The following UBXN11 variants were observed in gnomAD, a reference collection of about 807,000 sequenced individuals.
UBXN11 encodes UBX domain protein 11, also known as UBX domain-containing protein 11.
In UBXN11, 47 loss-of-function variants were observed where a neutral mutation model predicts 62.8. That is an observed-to-expected ratio of 0.75 (90% CI 0.59 to 0.95). The LOEUF (loss-of-function observed/expected upper bound fraction) is 0.95, where lower values mean the gene tolerates loss of function less well. UBXN11 is among the 40% of genes least tolerant of loss of function. The pLI, the probability that UBXN11 is intolerant of heterozygous loss-of-function variation, is 0.00. For synonymous variants in UBXN11, 294 were observed against 267.0 expected (o/e 1.10, Z -0.99); for missense variants, 638 against 661.7 (o/e 0.96, Z 0.39).
Position 26,285,932 on chromosome 1 carries a change from G to A in UBXN11, c.665C>T (p.Pro222Leu). ...VEGDTQVTPV[P>L]GGARLRTLEP... is the part of the protein sequence containing the mutation. ...GAGGGTACGCAGCCGTGCCCCGCCGGGCACTGGTGTCACTTGGGTGTCACC... is the reference window on the plus strand; with the variant it reads ...GAGGGTACGCAGCCGTGCCCCGCCGAGCACTGGTGTCACTTGGGTGTCACC... Residue 222 changes from proline to leucine, a missense_variant, in exon 9 of 15, where the codon CCC (proline) becomes CTC (leucine). By Grantham distance (98) the Pro-to-Leu change is moderately conservative. Coordinates refer to ENST00000374222, the MANE Select transcript of UBXN11 (RefSeq NM_001389556.1). The A allele has an allele frequency of 6.2e-7, 1 of 1,613,660 alleles. No homozygotes were observed. The highest frequency in any genetic ancestry group is 8.5e-7 in the Non-Finnish European group (1 of 1,179,650).
At chr1:26,297,231 T>C (rs1257017924) in intron 6 of UBXN11, among the ~76,000 whole-genome samples, 196 bp downstream of exon 6, 3 of 152,120 alleles carry the variant, frequency 2.0e-5, no homozygotes, top group Non-Finnish European at 2.9e-5. Context: ...CTCGGTCCCA[T>C]GTAGGAGGGC....
chr1:26,298,079 G>A lies in UBXN11; in HGVS notation c.200-17C>T. Reference sequence around the variant, plus strand: ...ATGCAGGGACTGCCAAGCACACAAAGTCTTTAGAGCCCAGACCTAGAGCCG... The same window carrying A: ...ATGCAGGGACTGCCAAGCACACAAAATCTTTAGAGCCCAGACCTAGAGCCG... On this transcript the variant is annotated splice_polypyrimidine_tract_variant and intron_variant, in intron 4 of 14. Transcript: ENST00000374222. The A allele has an allele frequency of 6.2e-7, 1 of 1,609,970 alleles. No homozygotes were observed. The highest frequency in any genetic ancestry group is 8.5e-7 in the Non-Finnish European group (1 of 1,178,988).
intron 4 of UBXN11, among the ~76,000 whole-genome samples, chr1:26,300,170 A>G (rs2073495059): frequency 6.6e-6 from 1 of 151,966 alleles, no homozygotes; most frequent in African/African-American, 2.4e-5. Flanking sequence ...GCCCTTCCCT[A>G]TGGCTGGCCT....
At chr1:26,303,806 C>G (rs1440229176) in intron 1 of UBXN11, among the ~76,000 whole-genome samples, 1 of 152,006 alleles carries the variant, frequency 6.6e-6, no homozygotes, top group Non-Finnish European at 1.5e-5. Flanking sequence ...GAAGGTCTAG[C>G]CCAGCGCCAA....
intron 7 of UBXN11, among the ~76,000 whole-genome samples, chr1:26,296,424 C>T (rs986712349): frequency 6.6e-6 from 1 of 152,084 alleles, no homozygotes. Flanking sequence ...CTAGGAGGCC[C>T]GGGGGATATG....
At chr1:26,316,277 T>G (rs1019163169) in intron 1 of UBXN11, among the ~76,000 whole-genome samples, 1 of 151,810 alleles carries the variant, frequency 6.6e-6, no homozygotes, top group Admixed American at 6.6e-5. Context: ...CTCTGTTTTT[T>G]TCTTTGGACT....
chr1:26,305,297 T>C (rs2073638142), intron 1 of UBXN11, among the ~76,000 whole-genome samples: 2 of 152,186 alleles, frequency 1.3e-5, no homozygotes, highest in East Asian at 1.9e-4. Flanking sequence ...TCAAAAAAGT[T>C]ACACAAATGG....
At chr1:26,301,603 C>A in intron 3 of UBXN11, 91 bp downstream of exon 3, 1 of 1,553,110 alleles carries the variant, frequency 6.4e-7, no homozygotes. Flanking sequence ...CTGACAAGGG[C>A]CTTTCTCGTG....
intron 11 of UBXN11, 54 bp downstream of exon 11, chr1:26,284,308 G>C: frequency 1.2e-6 from 2 of 1,612,818 alleles, no homozygotes; most frequent in South Asian, 1.1e-5. Context: ...AGCCCCCCTG[G>C]AGTTTGTTCT....
chr1:26,300,495 C>A (rs1480187625), intron 4 of UBXN11, among the ~76,000 whole-genome samples: 2 of 152,212 alleles, frequency 1.3e-5, no homozygotes, highest in Non-Finnish European at 2.9e-5. Context: ...GGAAGCCACC[C>A]TGATTAGCCC....
At chr1:26,301,157 C>T in intron 3 of UBXN11, 133 bp from the exon 4 acceptor site, 1 of 1,516,682 alleles carries the variant, frequency 6.6e-7, no homozygotes, top group South Asian at 1.3e-5. Flanking sequence ...ATTCACAAGG[C>T]TGGGGAGCAA....
chr1:26,296,152 C>G lies in UBXN11; in HGVS notation c.432+767G>C, dbSNP rs754471532. ...TGGCAGGGCCCATGCGTGCCTGGGA[C>G]CCTTCTCTGTGCCTGGTGTCCCTCT... On this transcript the variant is annotated intron_variant, in intron 7 of 14. Transcript: ENST00000374222. Among the ~76,000 whole-genome samples, 78 of 152,180 alleles carry G rather than the reference C, an allele frequency of 5.1e-4. 1 individual carries two copies. The highest frequency in any genetic ancestry group is 3.2e-3 in the Middle Eastern group (1 of 316).
At chr1:26,296,518 G>T (rs1024242583) in intron 7 of UBXN11, among the ~76,000 whole-genome samples, 1 of 152,220 alleles carries the variant, frequency 6.6e-6, no homozygotes, top group Admixed American at 6.5e-5. Flanking sequence ...AAGGCCCTGA[G>T]GTGGGAAGCA....
chr1:26,294,895 G>C (rs2073357075), intron 7 of UBXN11, among the ~76,000 whole-genome samples: 1 of 152,184 alleles, frequency 6.6e-6, no homozygotes, highest in African/African-American at 2.4e-5. Flanking sequence ...AAGCGCATGG[G>C]CACATTTCTG....
chr1:26,287,180 T>C (rs550752608), intron 8 of UBXN11, among the ~76,000 whole-genome samples: 18 of 152,066 alleles, frequency 1.2e-4, no homozygotes, highest in Non-Finnish European at 2.2e-4. Context: ...GAGGGACAGA[T>C]GGCTCTCAGG....
At chr1:26,283,964 C>T (rs2073063752) in intron 12 of UBXN11, among the ~76,000 whole-genome samples, 178 bp downstream of exon 12, 1 of 152,202 alleles carries the variant, frequency 6.6e-6, no homozygotes, top group African/African-American at 2.4e-5. Context: ...CTTTCCGGGG[C>T]CCAGCCCGTG....
At chr1:26,308,709 G>A (rs2073708397), upstream of UBXN11, among the ~76,000 whole-genome samples, 1 of 152,126 alleles carries the variant, frequency 6.6e-6, no homozygotes, top group Non-Finnish European at 1.5e-5. Context: ...AGCAAGCGTG[G>A]GAAGCAGGAG....
chr1:26,298,010 C>A lies in UBXN11; in HGVS notation c.252G>T (p.Trp84Cys). 6.2e-7 allele frequency: 1 copy of A among 1,614,000 alleles called. No homozygotes were observed. Among genetic ancestry groups the A allele is most frequent in the South Asian group, 1.1e-5 (1 of 91,056 alleles). Residue 84 changes from tryptophan to cysteine, a missense_variant, in exon 5 of 15, where the codon TGG (tryptophan) becomes TGT (cysteine). By Grantham distance (215) the Trp-to-Cys change is radical. Transcript: ENST00000374222. ...GGGCCTTCACCTGCTGCTCCAGGTC[C>A]CACAACTTCCTCGTCATGAAGGCCA... ...ELMAFMTRKLWDLEQQVKAQT... is the reference protein window; with the variant it reads ...ELMAFMTRKLCDLEQQVKAQT...
intron 4 of UBXN11, among the ~76,000 whole-genome samples, chr1:26,299,033 C>A (rs2073463700): frequency 6.6e-6 from 1 of 152,144 alleles, no homozygotes; most frequent in South Asian, 2.1e-4. Flanking sequence ...TTTAGGATTT[C>A]TTTGCATGTG....
Sources: gnomAD v4.1 joint callset for allele counts (sites outside exome capture counted in the v4.1 genomes callset) on GRCh38, gnomAD v4.1.1 for gene constraint, MANE v1.5 for transcripts, NCBI Gene and HGNC (gene_info 2026-07-23, HGNC 2026-07-21) for gene names.